Variants in HDAC4 observed in about 807,000 individuals in gnomAD.
HDAC4 encodes the protein histone deacetylase 4.
Under a neutral mutation model 135.1 loss-of-function variants are expected in HDAC4, and 16 were observed. The ratio of observed to expected loss-of-function variants is 0.12; its 90% confidence interval spans 0.08 to 0.18. The LOEUF is 0.18. HDAC4 is among the 10% of genes least tolerant of loss of function. The probability of loss-of-function intolerance (pLI) is 1.00; values close to 1 mark genes in which losing one functional copy is unlikely to be tolerated. For missense variants in HDAC4, 1,143 were observed against 1,511.8 expected (o/e 0.76, Z 4.05); for synonymous variants, 685 against 653.4 (o/e 1.05, Z -0.74).
chr2:239,181,826 A>C (rs1220607903), intron 4 of HDAC4, among the ~76,000 whole-genome samples: 1 of 152,144 alleles, frequency 6.6e-6, no homozygotes, highest in Non-Finnish European at 1.5e-5. Context: ...TGGGGAGAAC[A>C]CTCAGAAGAG....
chr2:239,244,335 A>C (rs2048353545), intron 2 of HDAC4, among the ~76,000 whole-genome samples: 1 of 152,176 alleles, frequency 6.6e-6, no homozygotes, highest in Admixed American at 6.5e-5. Context: ...GGCCTGCACC[A>C]AACTGGCAGG....
intron 1 of HDAC4, among the ~76,000 whole-genome samples, chr2:239,365,695 C>G (rs905449654): frequency 5.3e-5 from 8 of 152,138 alleles, no homozygotes; most frequent in African/African-American, 1.4e-4. Flanking sequence ...GCGTGTGGCA[C>G]CAGGGGACAC....
chr2:239,101,189 T>TTCTG (rs1575028114), intron 16 of HDAC4, among the ~76,000 whole-genome samples: 1 of 152,132 alleles, frequency 6.6e-6, no homozygotes, highest in Non-Finnish European at 1.5e-5. Context: ...AACTTGAGGC[T>TTCTG]TCTGTCCTTT....
chr2:239,379,686 C>CT (rs1425834712), intron 1 of HDAC4, among the ~76,000 whole-genome samples: 1 of 152,186 alleles, frequency 6.6e-6, no homozygotes, highest in African/African-American at 2.4e-5. Context: ...CACCATTCCC[C>CT]TGGCAGCCCC....
chr2:239,290,634 T>C (rs1014650640), intron 2 of HDAC4, among the ~76,000 whole-genome samples: 5 of 151,912 alleles, frequency 3.3e-5, no homozygotes, highest in Admixed American at 3.3e-4. Flanking sequence ...CGTACACACA[T>C]GTACGCACAC....
At chr2:239,078,711 G>T (rs1394937366) in intron 22 of HDAC4, among the ~76,000 whole-genome samples, 2 of 152,200 alleles carry the variant, frequency 1.3e-5, no homozygotes, top group South Asian at 4.1e-4. Context: ...GCCTGGGGAG[G>T]GGGAGTGACC....
chr2:239,336,309 T>C (rs935689973), intron 2 of HDAC4, among the ~76,000 whole-genome samples: 1 of 152,206 alleles, frequency 6.6e-6, no homozygotes, highest in African/African-American at 2.4e-5. Flanking sequence ...GGCATCTTCC[T>C]TTTGGGAGAG....
At chr2:239,330,806 A>G (rs1178688653) in intron 2 of HDAC4, among the ~76,000 whole-genome samples, 1 of 152,220 alleles carries the variant, frequency 6.6e-6, no homozygotes, top group African/African-American at 2.4e-5. Context: ...TAAGTGAGCA[A>G]TTATACTGAA....
intron 3 of HDAC4, among the ~76,000 whole-genome samples, chr2:239,193,770 G>A (rs1385579722): frequency 2.0e-5 from 3 of 152,270 alleles, no homozygotes; most frequent in Admixed American, 6.5e-5. Context: ...CACACCCAAG[G>A]TTGGCTGGCC....
At chr2:239,288,102 G>A (rs2051239818) in intron 2 of HDAC4, among the ~76,000 whole-genome samples, 2 of 150,738 alleles carry the variant, frequency 1.3e-5, no homozygotes, top group South Asian at 2.1e-4. Context: ...GAAAATTACC[G>A]TCCACTCCAA....
At position 239,051,398 on chromosome 2, in the gene HDAC4, A is replaced by G. The variant is rs577686230; in HGVS notation, c.*1699T>C. The G allele has an allele frequency of 2.0e-5, 3 of 152,374 alleles. No homozygotes were observed. The highest frequency in any genetic ancestry group is 7.2e-5 in the African/African-American group (3 of 41,578). 9.4% of individuals were successfully genotyped at this position (152,374 alleles called of 1,614,324 possible). Reference sequence around the variant, plus strand: ...TCATCGTACAAAAATAAAAACAAAAATAATTAAAAACCTTTGAAAGGTAAA... The same window carrying G: ...TCATCGTACAAAAATAAAAACAAAAGTAATTAAAAACCTTTGAAAGGTAAA... On this transcript the variant is annotated 3_prime_UTR_variant, in exon 27 of 27. Coordinates refer to ENST00000543185, the MANE Select transcript of HDAC4 (RefSeq NM_001378414.1).
In HDAC4 at chr2:239,115,332, T is replaced by C. The variant is rs375904820; in HGVS notation, c.1534-22A>G. 20 of 1,612,732 alleles carry C rather than the reference T, an allele frequency of 1.2e-5. No homozygotes were observed. The African/African-American group carries it at 1.5e-4, about 12-fold the overall frequency. On this transcript the variant is annotated intron_variant, in intron 12 of 26. Transcript: ENST00000543185. The surrounding 1 kb of genome is among the most constrained non-coding windows in gnomAD (Gnocchi z 6.3). ...TGATCTGCAAGGCGGAGGTAACACA[T>C]GAAGCACAGAGAGCTGGGTCCTCTG... is the stretch of plus-strand genomic sequence containing the variant.
chr2:239,367,131 C>T (rs752732948), intron 1 of HDAC4, among the ~76,000 whole-genome samples: 1 of 152,130 alleles, frequency 6.6e-6, no homozygotes, highest in Non-Finnish European at 1.5e-5. Context: ...CCTCATAATG[C>T]GATCTGGGGT....
chr2:239,242,220 G>C lies in HDAC4; in HGVS notation c.23-5556C>G, dbSNP rs1302531822. Among the ~76,000 whole-genome samples the C allele has an allele frequency of 6.8e-5, 9 of 132,074 alleles. No individual in the cohort carries two copies. The East Asian group carries it at 2.0e-3, about 30-fold the overall frequency. The allele number at this position is 132,074 out of a possible 152,430, so 86.6% of individuals were successfully genotyped here. A position where few individuals can be genotyped will look rare whatever the true frequency, so the allele number is the denominator to read the frequency against. On this transcript the variant is annotated intron_variant, in intron 2 of 26. Coordinates refer to ENST00000543185, the MANE Select transcript of HDAC4 (RefSeq NM_001378414.1). The stretch of plus-strand genomic sequence containing the variant: ...GAGAGAAAGAGAGAGGACGAGAGAG[G>C]AAGGAGGGGAAGGGAGGGAGGGAGG...
chr2:239,394,951 G>A lies in HDAC4; in HGVS notation c.-220+6027C>T, dbSNP rs533096540. ...CATTAAACAACTAAGGTCACAATGA[G>A]CTCCTTCCTGAAATTGCACAATGGG... is the stretch of plus-strand genomic sequence containing the variant. On this transcript the variant is annotated intron_variant, in intron 1 of 26. Coordinates refer to ENST00000543185, the MANE Select transcript of HDAC4 (RefSeq NM_001378414.1). Among the ~76,000 whole-genome samples, 10 of 152,372 alleles carry A rather than the reference G, an allele frequency of 6.6e-5. No homozygotes were observed. The East Asian group carries it at 1.2e-3, about 18-fold the overall frequency.
intron 2 of HDAC4, among the ~76,000 whole-genome samples, chr2:239,266,265 C>T (rs912493860): frequency 1.3e-5 from 2 of 152,228 alleles, no homozygotes; most frequent in East Asian, 1.9e-4. Flanking sequence ...AGGTGGGAAA[C>T]GTGCCCCTGA....
intron 3 of HDAC4, 51 bp downstream of exon 3, chr2:239,236,542 C>T: frequency 7.0e-7 from 1 of 1,437,356 alleles, no homozygotes; most frequent in East Asian, 2.5e-5. Flanking sequence ...CTGAACACCT[C>T]TTTGGCTCAG....
chr2:239,106,043 G>A (rs998735826), intron 15 of HDAC4, among the ~76,000 whole-genome samples: 1 of 152,178 alleles, frequency 6.6e-6, no homozygotes, highest in African/African-American at 2.4e-5. Context: ...TCTTTCTCCA[G>A]CTCTCCTCTC....
chr2:239,071,993 C>T (rs895364016), intron 22 of HDAC4, among the ~76,000 whole-genome samples: 10 of 152,178 alleles, frequency 6.6e-5, no homozygotes. Flanking sequence ...ATCTTCAACA[C>T]CATTGCACAT....
Sources: gnomAD v4.1 joint callset for allele counts (sites outside exome capture counted in the v4.1 genomes callset) on GRCh38, gnomAD v4.1.1 for gene constraint, Gnocchi (gnomAD v3.1) non-coding constraint, MANE v1.5 for transcripts, NCBI Gene and HGNC (gene_info 2026-07-23, HGNC 2026-07-21) for gene names.